ARID1B: variants seen among roughly 807,000 people sequenced by gnomAD.
ARID1B encodes the protein AT-rich interactive domain-containing protein 1B.
Under a neutral mutation model 212.3 loss-of-function variants are expected in ARID1B, and 30 were observed. That is an observed-to-expected ratio of 0.14 (90% confidence interval 0.11 to 0.19). The LOEUF (loss-of-function observed/expected upper bound fraction) is 0.19. ARID1B is among the 10% of genes least tolerant of loss of function. ARID1B has a pLI of 1.00. For missense variants in ARID1B, 2,891 were observed against 3,204.0 expected, an observed-to-expected ratio of 0.90 and a Z score of 2.36; for synonymous variants, 1,402 against 1,301.7, an observed-to-expected ratio of 1.08 and a Z score of -1.66.
intron 6 of ARID1B, among the ~76,000 whole-genome samples, chr6:157,113,727 A>T (rs1229717734): frequency 6.6e-6 from 1 of 152,218 alleles, no homozygotes; most frequent in Non-Finnish European, 1.5e-5. Flanking sequence ...AAGCCAAGCT[A>T]TATCACTGTA....
chr6:156,951,312 GCAAA>G (rs1436935336), intron 4 of ARID1B, among the ~76,000 whole-genome samples: 1 of 152,088 alleles, frequency 6.6e-6, no homozygotes, highest in East Asian at 1.9e-4. Context: ...AAAGAGAGAA[GCAAA>G]CAAACCATGA....
chr6:156,887,305 A>G (rs998000333), intron 2 of ARID1B, among the ~76,000 whole-genome samples: 4 of 152,166 alleles, frequency 2.6e-5, no homozygotes, highest in African/African-American at 9.7e-5. Context: ...TCTGCAGTTG[A>G]CACGATTCCC....
At chr6:156,891,575 T>C (rs1787925009) in intron 2 of ARID1B, among the ~76,000 whole-genome samples, 2 of 152,218 alleles carry the variant, frequency 1.3e-5, no homozygotes, top group Admixed American at 6.5e-5. Flanking sequence ...CATTCAAAAA[T>C]AACATTATAC....
intron 10 of ARID1B, chr6:157,174,383 G>A (rs528668189): frequency 2.4e-5 from 8 of 335,616 alleles, no homozygotes; most frequent in South Asian, 6.7e-5. Context: ...AATGCTTCGG[G>A]GTGGGGAGAA....
At chr6:156,971,589 G>A (rs1776929570) in intron 4 of ARID1B, among the ~76,000 whole-genome samples, 1 of 152,132 alleles carries the variant, frequency 6.6e-6, no homozygotes, top group Non-Finnish European at 1.5e-5. Context: ...TCAGGAATCT[G>A]GGCAGGCATA....
intron 4 of ARID1B, among the ~76,000 whole-genome samples, chr6:157,041,006 T>C (rs1325705931): frequency 6.6e-6 from 1 of 152,190 alleles, no homozygotes; most frequent in Admixed American, 6.5e-5. Flanking sequence ...TATCTACTTA[T>C]AAACAAGAAT....
intron 1 of ARID1B, among the ~76,000 whole-genome samples, chr6:156,790,590 G>A (rs746642770): frequency 6.6e-6 from 1 of 152,104 alleles, no homozygotes; most frequent in African/African-American, 2.4e-5. Context: ...ATTTATTATT[G>A]TTGACTGTTG....
rs1369316801 is a variant in ARID1B, at chr6:157,018,006, C to CTT, written c.2248-66655_2248-66654dup. 2.7e-5 allele frequency among the ~76,000 whole-genome samples: 4 copies of CTT among 149,110 alleles called. No homozygotes were observed. In the South Asian group the frequency reaches 8.5e-4, roughly 32 times the overall value. ...AATTAGCTGGGCATGGTGTCATGTG[C>CTT]TTGTAGTCCCAGTTACTCAAGGGGC... On this transcript the variant is annotated intron_variant, in intron 4 of 19. Coordinates refer to ENST00000636930, the MANE Select transcript of ARID1B (RefSeq NM_001374828.1).
chr6:156,965,231 T>A (rs1376418466), intron 4 of ARID1B, among the ~76,000 whole-genome samples: 1 of 152,250 alleles, frequency 6.6e-6, no homozygotes, highest in African/African-American at 2.4e-5. Context: ...AATTCTGCAG[T>A]GCTTTCCCTG....
chr6:157,000,621 T>TG (rs1158159645), intron 4 of ARID1B, among the ~76,000 whole-genome samples: 1 of 152,068 alleles, frequency 6.6e-6, no homozygotes, highest in Non-Finnish European at 1.5e-5. Context: ...ACCAGCATTT[T>TG]GGGGGTAGAG....
intron 13 of ARID1B, chr6:157,185,620 C>T (rs1469810674): frequency 1.3e-5 from 2 of 152,214 alleles, no homozygotes; most frequent in East Asian, 3.8e-4. Flanking sequence ...TCTGGTGCTA[C>T]AGTATACACG....
intron 2 of ARID1B, among the ~76,000 whole-genome samples, chr6:156,862,710 G>A (rs985646729): frequency 6.6e-6 from 1 of 152,176 alleles, no homozygotes; most frequent in Non-Finnish European, 1.5e-5. Context: ...GATGTGGACG[G>A]CTCTTTGGGA....
chr6:156,901,605 T>C (rs1434932596), intron 3 of ARID1B, 80 bp downstream of exon 3: 3 of 1,467,278 alleles, frequency 2.0e-6, no homozygotes, highest in East Asian at 2.5e-5. Context: ...TCCTGTCCTT[T>C]ATTAAAAATT....
chr6:157,138,005 G>C (rs1390559983), intron 7 of ARID1B, among the ~76,000 whole-genome samples: 1 of 151,956 alleles, frequency 6.6e-6, no homozygotes, highest in Non-Finnish European at 1.5e-5. Flanking sequence ...AACTTTAAAT[G>C]ATATTCAGTT....
chr6:156,958,418 T>C (rs1794125011), intron 4 of ARID1B, among the ~76,000 whole-genome samples: 1 of 152,268 alleles, frequency 6.6e-6, no homozygotes, highest in South Asian at 2.1e-4. Context: ...TTACTCAGTC[T>C]ATAAACCTAA....
Position 157,011,309 on chromosome 6 carries a change from A to G in ARID1B, c.2248-73353A>G, listed in dbSNP as rs545202097. 5.3e-5 allele frequency among the ~76,000 whole-genome samples: 8 copies of G among 152,370 alleles called. No homozygotes were observed. The East Asian group carries it at 1.5e-3, about 29-fold the overall frequency. The stretch of plus-strand genomic sequence containing the variant: ...TTGTAGTTCCTTCAAGCTCTAATTA[A>G]TTGTCCAAAAAGTATTGTAGTTCTA... On this transcript the variant is annotated intron_variant, in intron 4 of 19. Transcript: ENST00000636930.
chr6:156,903,257 GTTT>G (rs1789097622), intron 3 of ARID1B, among the ~76,000 whole-genome samples: 1 of 152,106 alleles, frequency 6.6e-6, no homozygotes, highest in African/African-American at 2.4e-5. Flanking sequence ...AATGTGCTTA[GTTT>G]CAGTCTATCT....
rs147724793 is a variant in ARID1B, at chr6:156,978,951, A to G, written c.2247+43375A>G. On this transcript the variant is annotated intron_variant, in intron 4 of 19. Coordinates refer to ENST00000636930, the MANE Select transcript of ARID1B (RefSeq NM_001374828.1). ...CTGACTCAAATGTATATGATAATAC[A>G]TTTACATTTTTTCAGTTAAGGCTGA... 3.0e-3 allele frequency among the ~76,000 whole-genome samples: 453 copies of G among 152,328 alleles called. 1 individual carries two copies. Among genetic ancestry groups the G allele is most frequent in the Admixed American group, 5.3e-3 (81 of 15,308 alleles).
rs111366896 is a variant in ARID1B, at chr6:157,189,485, T to C, written c.3920-157T>C. 0.011 allele frequency among the ~76,000 whole-genome samples: 1,662 copies of C among 152,362 alleles called. 34 individuals are homozygous for C. The highest frequency in any genetic ancestry group is 0.038 in the African/African-American group (1,590 of 41,582). ...TAAACAATAGAAAAGCAACGAATTT[T>C]ACAACATCATTATCAGCAATGGCTA... On this transcript the variant is annotated intron_variant, in intron 13 of 19. Transcript: ENST00000636930.
Sources: allele counts gnomAD v4.1 joint callset (sites outside exome capture counted in the v4.1 genomes callset), GRCh38; gene constraint gnomAD v4.1.1; transcripts MANE v1.5; gene names NCBI Gene and HGNC (gene_info 2026-07-23, HGNC 2026-07-21).